Variants in ANAPC5 observed in about 807,000 individuals in gnomAD.
The protein encoded by ANAPC5 is anaphase-promoting complex subunit 5.
ANAPC5 carries 60 observed loss-of-function variants against 91.3 expected under a neutral mutation model. The ratio of observed to expected loss-of-function variants is 0.66; its 90% CI spans 0.53 to 0.81. The LOEUF is 0.81. Ranked by LOEUF, ANAPC5 falls within the 40% of genes least tolerant of loss-of-function variation. ANAPC5 has a pLI of 0.00. For synonymous variants in ANAPC5, 340 were observed against 364.1 expected (o/e 0.93, Z 0.75); for missense variants, 690 against 931.5 (o/e 0.74, Z 3.37).
intron 11 of ANAPC5, among the ~76,000 whole-genome samples, chr12:121,322,417 C>T (rs1359463480): frequency 6.6e-6 from 1 of 152,158 alleles, no homozygotes; most frequent in African/African-American, 2.4e-5. Flanking sequence ...CCTCAGCCCC[C>T]CAAATTGCTG....
chr12:121,314,544 A>T (rs1226921821), intron 15 of ANAPC5, among the ~76,000 whole-genome samples: 2 of 152,208 alleles, frequency 1.3e-5, no homozygotes, highest in East Asian at 3.8e-4. Flanking sequence ...CAACCTCTAT[A>T]AAAAACCCAC....
intron 11 of ANAPC5, among the ~76,000 whole-genome samples, chr12:121,322,761 G>A (rs189245489): frequency 3.9e-5 from 6 of 152,220 alleles, no homozygotes; most frequent in African/African-American, 1.2e-4. Flanking sequence ...GGTAGCTCAC[G>A]CCTGTAATCC....
At chr12:121,314,551 C>A (rs916052279) in intron 15 of ANAPC5, among the ~76,000 whole-genome samples, 1 of 151,874 alleles carries the variant, frequency 6.6e-6, no homozygotes, top group African/African-American at 2.4e-5. Context: ...TATAAAAAAC[C>A]CACAGCTAGC....
At chr12:121,352,677 A>T (rs190727132), upstream of ANAPC5, among the ~76,000 whole-genome samples, 1,196 of 47,138 alleles carry the variant, frequency 0.025, 3 homozygotes, top group Non-Finnish European at 0.06. Flanking sequence ...GAAGGGACTG[A>T]GGAGCTCCCA....
chr12:121,318,244 A>T, intron 15 of ANAPC5, 33 bp downstream of exon 15: 1 of 1,493,748 alleles, frequency 6.7e-7, no homozygotes, highest in African/African-American at 1.4e-5. Flanking sequence ...TCTTGAGCAC[A>T]AATATGTGCT....
chr12:121,315,968 G>C (rs1319712435), intron 15 of ANAPC5, among the ~76,000 whole-genome samples: 3 of 152,116 alleles, frequency 2.0e-5, no homozygotes, highest in Non-Finnish European at 2.9e-5. Context: ...TTAAACTTTT[G>C]TATATCAAAA....
At chr12:121,343,253 T>A (rs1194611716) in intron 4 of ANAPC5, among the ~76,000 whole-genome samples, 3 of 152,346 alleles carry the variant, frequency 2.0e-5, no homozygotes, top group South Asian at 2.1e-4. Flanking sequence ...ACTTTAAGCA[T>A]ATAAAGTAGC....
At chr12:121,330,315 GT>G (rs782429238) in intron 9 of ANAPC5, among the ~76,000 whole-genome samples, 32 of 152,190 alleles carry the variant, frequency 2.1e-4, no homozygotes, top group Admixed American at 5.2e-4. Flanking sequence ...CTAAATTAAT[GT>G]TGCTCAATAA....
intron 8 of ANAPC5, 47 bp downstream of exon 8, chr12:121,331,300 C>A: frequency 6.6e-7 from 1 of 1,519,802 alleles, no homozygotes; most frequent in South Asian, 1.2e-5. Flanking sequence ...TTGTGAAGGC[C>A]AATTCAACCC....
At position 121,308,546 on chromosome 12, in the gene ANAPC5, C is replaced by A. The variant is rs751374235; in HGVS notation, c.2202G>T (p.Ala734=). ...LGKTQERNRC[A]MLFRQLHQEL... is the part of the protein sequence containing the mutation. ...CCTGATGCAGCTGCCGGAAGAGCAT[C>A]GCACACCGGTTCCTCTCCTGGGTCT... Residue 734 remains alanine, a synonymous_variant, in exon 17 of 17, where the codon GCG becomes GCT. Coordinates refer to ENST00000261819, the MANE Select transcript of ANAPC5 (RefSeq NM_016237.5). 1 of 1,614,144 alleles carries A rather than the reference C, an allele frequency of 6.2e-7. No individual in the cohort carries two copies. The highest frequency in any genetic ancestry group is 2.2e-5 in the East Asian group (1 of 44,868).
chr12:121,337,708 G>A (rs565282028), intron 5 of ANAPC5, among the ~76,000 whole-genome samples: 25 of 152,132 alleles, frequency 1.6e-4, no homozygotes, highest in Admixed American at 3.9e-4. Flanking sequence ...CATCCTCTGG[G>A]CCACCTGCTT....
At position 121,318,392 on chromosome 12, in the gene ANAPC5, C is replaced by A; in HGVS notation, c.1778G>T (p.Arg593Leu). ...VLLSVAELYW[R>L]SSSPTIALPM... ...CAGCGCGATGGTAGGGGAGGAAGAT[C>A]GCCAGTACAGCTCTGCCACGGACAG... Residue 593 changes from arginine to leucine, a missense_variant, in exon 15 of 17, where the codon CGA becomes CTA. Around this residue, in one of 5 missense-constraint regions of ANAPC5, gnomAD observed 317 missense variants for 438.7 expected, o/e 0.72. Transcript: ENST00000261819. The A allele has an allele frequency of 6.2e-7, 1 of 1,611,814 alleles. No individual in the cohort carries two copies. The highest frequency in any genetic ancestry group is 1.1e-5 in the South Asian group (1 of 90,628).
chr12:121,325,688 G>A (rs1902788249), intron 11 of ANAPC5, among the ~76,000 whole-genome samples: 1 of 151,822 alleles, frequency 6.6e-6, no homozygotes, highest in South Asian at 2.1e-4. Context: ...CCAACATGGT[G>A]AAACCTCATC....
intron 8 of ANAPC5, chr12:121,330,953 A>G: frequency 2.4e-6 from 1 of 423,910 alleles, no homozygotes; most frequent in South Asian, 2.6e-5. Flanking sequence ...CCTTCAATTG[A>G]GAAATAAGAT....
At chr12:121,351,394 A>T (rs1308482565) in intron 1 of ANAPC5, among the ~76,000 whole-genome samples, 1 of 152,090 alleles carries the variant, frequency 6.6e-6, no homozygotes, top group Non-Finnish European at 1.5e-5. Context: ...AATAATTTAA[A>T]ACAAATTTTA....
intron 5 of ANAPC5, among the ~76,000 whole-genome samples, chr12:121,338,244 AT>A (rs1228382748): frequency 1.3e-5 from 2 of 151,948 alleles, no homozygotes; most frequent in Non-Finnish European, 2.9e-5. Context: ...TTTAAAAAAA[AT>A]TTTTTTAAAG....
chr12:121,341,987 T>C lies in ANAPC5; in HGVS notation c.657+16A>G. 6.3e-7 allele frequency: 1 copy of C among 1,593,922 alleles called. No individual in the cohort carries two copies. The highest frequency in any genetic ancestry group is 8.6e-7 in the Non-Finnish European group (1 of 1,165,902). On this transcript the variant is annotated intron_variant, in intron 5 of 16. Transcript: ENST00000261819. ...ACTAGAACAGAAGTTCATGATAAAT[T>C]ACAGAATTCACATACCTGTTGAGAA...
intron 1 of ANAPC5, 130 bp from the exon 2 acceptor site, chr12:121,348,011 C>A: frequency 1.5e-6 from 1 of 653,218 alleles, no homozygotes; most frequent in South Asian, 1.9e-5. Flanking sequence ...AAGGATTTTT[C>A]TATCTACCTA....
chr12:121,343,035 C>G (rs910654001), intron 4 of ANAPC5, among the ~76,000 whole-genome samples: 2 of 152,102 alleles, frequency 1.3e-5, no homozygotes, highest in Admixed American at 6.6e-5. Flanking sequence ...CTTCAATTTT[C>G]ACGATGAAAT....
Sources: gnomAD v4.1 joint callset for allele counts (sites outside exome capture counted in the v4.1 genomes callset) on GRCh38, gnomAD v4.1.1 for gene constraint, gnomAD v4.1.1 regional missense constraint, MANE v1.5 for transcripts, NCBI Gene and HGNC (gene_info 2026-07-23, HGNC 2026-07-21) for gene names.